MYO1D: variants seen among roughly 807,000 people sequenced by gnomAD.
MYO1D encodes unconventional myosin-Id.
MYO1D carries 83 observed loss-of-function variants against 122.0 expected under a neutral mutation model. That is an observed-to-expected ratio of 0.68 (90% CI 0.57 to 0.82). The LOEUF (loss-of-function observed/expected upper bound fraction) is 0.82, where lower values mean the gene tolerates loss of function less well. Ranked by LOEUF, MYO1D falls within the 40% of genes least tolerant of loss-of-function variation. MYO1D has a pLI of 0.00. For missense variants in MYO1D, 1,157 were observed against 1,269.5 expected (o/e 0.91, Z 1.35); for synonymous variants, 464 against 446.9 (o/e 1.04, Z -0.48).
intron 16 of MYO1D, among the ~76,000 whole-genome samples, chr17:32,687,134 C>T (rs948210259): frequency 8.6e-5 from 13 of 151,504 alleles, no homozygotes; most frequent in Middle Eastern, 3.2e-3. Context: ...CCTTACCCCC[C>T]GCCCGCACCC....
chr17:32,778,197 T>C (rs1051065380), intron 3 of MYO1D, among the ~76,000 whole-genome samples: 5 of 152,212 alleles, frequency 3.3e-5, no homozygotes, highest in Non-Finnish European at 5.9e-5. Context: ...GGGAACACTT[T>C]CAACTGTTTC....
intron 19 of MYO1D, among the ~76,000 whole-genome samples, chr17:32,653,540 AG>A (rs1220438198): frequency 2.8e-5 from 4 of 141,198 alleles, no homozygotes. Flanking sequence ...TGGGAAGCGG[AG>A]GTTGCAGTGA....
At chr17:32,608,349 T>C (rs1567907756) in intron 20 of MYO1D, among the ~76,000 whole-genome samples, 2 of 152,154 alleles carry the variant, frequency 1.3e-5, no homozygotes, top group Non-Finnish European at 2.9e-5. Flanking sequence ...AAAGAAGGCA[T>C]AGGGGTGAAT....
chr17:32,758,537 T>C (rs537284248), intron 10 of MYO1D, among the ~76,000 whole-genome samples: 1 of 152,262 alleles, frequency 6.6e-6, no homozygotes, highest in African/African-American at 2.4e-5. Context: ...ATTGAATAGA[T>C]GAAATAATGT....
At chr17:32,758,786 G>A (rs1019075485) in intron 10 of MYO1D, among the ~76,000 whole-genome samples, 1 of 152,128 alleles carries the variant, frequency 6.6e-6, no homozygotes, top group South Asian at 2.1e-4. Flanking sequence ...AATTGTGGGG[G>A]GATCTGCCAT....
chr17:32,512,524 A>G (rs1015610898), intron 21 of MYO1D, among the ~76,000 whole-genome samples: 1 of 152,072 alleles, frequency 6.6e-6, no homozygotes, highest in African/African-American at 2.4e-5. Flanking sequence ...GCTCCCTGCA[A>G]GGGTGTGGCC....
At chr17:32,604,006 T>C (rs917428911) in intron 21 of MYO1D, among the ~76,000 whole-genome samples, 4 of 152,182 alleles carry the variant, frequency 2.6e-5, no homozygotes, top group African/African-American at 9.7e-5. Flanking sequence ...ATAGAAAATA[T>C]TTAAAGATCT....
chr17:32,665,883 C>T (rs2150957652), intron 16 of MYO1D, among the ~76,000 whole-genome samples: 1 of 152,274 alleles, frequency 6.6e-6, no homozygotes, highest in South Asian at 2.1e-4. Flanking sequence ...TTTTCTCTTT[C>T]CTGCCAGAAT....
At chr17:32,549,013 G>A (rs543414023) in intron 21 of MYO1D, among the ~76,000 whole-genome samples, 5 of 152,074 alleles carry the variant, frequency 3.3e-5, no homozygotes, top group Admixed American at 1.3e-4. Flanking sequence ...GCGCCTGGCC[G>A]ACTTTTAATT....
In MYO1D at chr17:32,868,983, C is replaced by T. The variant is rs1004342055; in HGVS notation, c.95+7795G>A. On this transcript the variant is annotated intron_variant, in intron 1 of 21. Coordinates refer to ENST00000318217, the MANE Select transcript of MYO1D (RefSeq NM_015194.3). ...CAAAACTTTGGGAGGCTGAGGCGGG[C>T]GGATCACTTGAGCTCAGGAGTTTGA... Among the ~76,000 whole-genome samples, 7 of 151,100 alleles carry T rather than the reference C, an allele frequency of 4.6e-5. No individual in the cohort carries two copies. In the South Asian group the frequency reaches 8.3e-4, roughly 18 times the overall value.
chr17:32,650,580 G>A (rs1337831099), intron 19 of MYO1D, among the ~76,000 whole-genome samples: 1 of 151,866 alleles, frequency 6.6e-6, no homozygotes, highest in Non-Finnish European at 1.5e-5. Flanking sequence ...CTTTGTTTTA[G>A]CCTTTTATTT....
At chr17:32,845,808 A>G (rs2090932932) in intron 1 of MYO1D, among the ~76,000 whole-genome samples, 1 of 152,198 alleles carries the variant, frequency 6.6e-6, no homozygotes, top group Non-Finnish European at 1.5e-5. Flanking sequence ...AACTGATGTG[A>G]TTCCCACTCC....
At chr17:32,822,422 G>C (rs1024539113) in intron 1 of MYO1D, among the ~76,000 whole-genome samples, 2 of 151,864 alleles carry the variant, frequency 1.3e-5, no homozygotes, top group Non-Finnish European at 2.9e-5. Flanking sequence ...CCGTCCGTCC[G>C]TTCGTCTTCC....
chr17:32,499,932 C>A (rs111409315), intron 21 of MYO1D, among the ~76,000 whole-genome samples: 31 of 152,284 alleles, frequency 2.0e-4, no homozygotes, highest in African/African-American at 7.5e-4. Flanking sequence ...CACCACACTC[C>A]AGCCTGAGTG....
Position 32,646,882 on chromosome 17 carries a change from A to T in MYO1D, c.2595+6961T>A, listed in dbSNP as rs114225083. Among the ~76,000 whole-genome samples, 792 of 152,326 alleles carry T rather than the reference A, an allele frequency of 5.2e-3. 2 individuals are homozygous for T. The highest frequency in any genetic ancestry group is 0.017 in the African/African-American group (708 of 41,562). On this transcript the variant is annotated intron_variant, in intron 19 of 21. Coordinates refer to ENST00000318217, the MANE Select transcript of MYO1D (RefSeq NM_015194.3). ...AGCTATATTAAAATGGCAAAGGAAA[A>T]AATTCTACATATAGATGTAAATTCC... is the stretch of plus-strand genomic sequence containing the variant.
intron 21 of MYO1D, among the ~76,000 whole-genome samples, chr17:32,504,236 C>T (rs1909418966): frequency 6.6e-6 from 1 of 152,226 alleles, no homozygotes; most frequent in South Asian, 2.1e-4. Context: ...GCGTGATCCA[C>T]ACTCACCCTG....
intron 20 of MYO1D, among the ~76,000 whole-genome samples, chr17:32,622,448 G>A (rs1567914244): frequency 6.6e-6 from 1 of 152,070 alleles, no homozygotes; most frequent in Admixed American, 6.6e-5. Flanking sequence ...GGGGTGTGGG[G>A]GAGCCAGACT....
chr17:32,864,507 G>C (rs1465135961), intron 1 of MYO1D, among the ~76,000 whole-genome samples: 1 of 121,318 alleles, frequency 8.2e-6, no homozygotes, highest in Non-Finnish European at 1.6e-5. Flanking sequence ...TTCCTGCTTT[G>C]TTGTACGGTG....
At chr17:32,839,338 T>C (rs992378656) in intron 1 of MYO1D, among the ~76,000 whole-genome samples, 1 of 152,190 alleles carries the variant, frequency 6.6e-6, no homozygotes, top group Non-Finnish European at 1.5e-5. Flanking sequence ...AACTTCAACC[T>C]GAATTCAAAG....
Sources: gnomAD v4.1 joint callset for allele counts (sites outside exome capture counted in the v4.1 genomes callset) on GRCh38, gnomAD v4.1.1 for gene constraint, MANE v1.5 for transcripts, NCBI Gene and HGNC (gene_info 2026-07-23, HGNC 2026-07-21) for gene names.